LCOR: variants seen among roughly 807,000 people sequenced by gnomAD.
LCOR encodes ligand dependent nuclear receptor corepressor, also known as ligand-dependent corepressor.
Under a neutral mutation model 64.4 loss-of-function variants are expected in LCOR, and 14 were observed. The ratio of observed to expected loss-of-function variants is 0.22; its 90% confidence interval spans 0.14 to 0.34. The LOEUF is 0.34. Ranked by LOEUF, LCOR falls within the 10% of genes least tolerant of loss-of-function variation. LCOR has a pLI of 1.00. For synonymous variants in LCOR, 643 were observed against 642.5 expected (o/e 1.00, Z -0.01); for missense variants, 1,686 against 1,765.3 (o/e 0.96, Z 0.80).
In LCOR at chr10:96,924,453, G is replaced by A. The variant is rs191969385; in HGVS notation, c.-184+16706G>A. Among the ~76,000 whole-genome samples the A allele has an allele frequency of 3.4e-4, 51 of 151,566 alleles. No homozygotes were observed. The East Asian group carries it at 9.3e-3, about 28-fold the overall frequency. ...GATGGGGTTTTGCCATGTTGCCCAG[G>A]CTGGTCTCAAAGTCCTGAGTTCAAG... On this transcript the variant is annotated intron_variant, in intron 4 of 7. Transcript: ENST00000421806.
At chr10:96,952,059 T>G in intron 6 of LCOR, 44 bp from the exon 7 acceptor site, 2 of 1,414,988 alleles carry the variant, frequency 1.4e-6, no homozygotes, top group Non-Finnish European at 2.0e-6. Context: ...TTACATTTGC[T>G]CCTAGCTTTT....
intron 2 of LCOR, among the ~76,000 whole-genome samples, chr10:96,855,930 T>C (rs1845795999): frequency 7.0e-6 from 1 of 143,298 alleles, no homozygotes; most frequent in Admixed American, 7.0e-5. Context: ...TTTTAGTAGT[T>C]ACAGAGTTTC....
chr10:96,834,765 T>C (rs2134355549), intron 2 of LCOR, among the ~76,000 whole-genome samples: 1 of 152,360 alleles, frequency 6.6e-6, no homozygotes, highest in East Asian at 1.9e-4. Flanking sequence ...TAGATGGTTT[T>C]AATTAGTGTA....
intron 2 of LCOR, among the ~76,000 whole-genome samples, chr10:96,875,987 TCTAGCTGGGTCA>T (rs1846157689): frequency 6.6e-6 from 1 of 151,368 alleles, no homozygotes; most frequent in Non-Finnish European, 1.5e-5. Flanking sequence ...GCTAATTATA[TCTAGCTGGGTCA>T]GAGACTTAAA....
At position 96,994,800 on chromosome 10, in the gene LCOR, G is replaced by C. The variant is rs1244068618; in HGVS notation, c.*9666G>C. 1 of 152,208 alleles carries C rather than the reference G, an allele frequency of 6.6e-6. No homozygotes were observed. The highest frequency in any genetic ancestry group is 2.4e-5 in the African/African-American group (1 of 41,452). The allele number at this position is 152,208 out of a possible 1,614,324, so 9.4% of individuals were successfully genotyped here. A position where few individuals can be genotyped will look rare whatever the true frequency, so the allele number is the denominator to read the frequency against. ...ATATTAGCCTCACTTAATCTCAATA[G>C]AAGCCTGCTGTTTACCCTCAGGGAA... On this transcript the variant is annotated 3_prime_UTR_variant, in exon 8 of 8. Coordinates refer to ENST00000421806, the MANE Select transcript of LCOR (RefSeq NM_001346516.2).
At position 96,958,210 on chromosome 10, in the gene LCOR, C is replaced by T; in HGVS notation, c.332+6014C>T. On this transcript the variant is annotated intron_variant, in intron 7 of 7. Coordinates refer to ENST00000421806, the MANE Select transcript of LCOR (RefSeq NM_001346516.2). ...ATTAATTTGTGCTTGCTTTTATCCC[C>T]TCTCAGAAAGACATCACTAAAGGCC... is the stretch of plus-strand genomic sequence containing the variant. The T allele has an allele frequency of 3.9e-6, 5 of 1,292,716 alleles. No individual in the cohort carries two copies. In the South Asian group the frequency reaches 1.1e-4, roughly 29 times the overall value. 80.1% of individuals were successfully genotyped at this position (1,292,716 alleles called of 1,614,324 possible).
At chr10:96,969,781 T>G (rs1237767592) in intron 7 of LCOR, among the ~76,000 whole-genome samples, 1 of 142,824 alleles carries the variant, frequency 7.0e-6, no homozygotes, top group Non-Finnish European at 1.5e-5. Context: ...TTTCTTTTTT[T>G]TTTTTTTTCT....
intron 4 of LCOR, among the ~76,000 whole-genome samples, chr10:96,941,256 T>A: frequency 7.8e-6 from 1 of 127,638 alleles, no homozygotes; most frequent in African/African-American, 3.0e-5. Context: ...CCCACCTCCC[T>A]CCCGGACGGG....
chr10:96,896,165 A>G (rs113141997), intron 2 of LCOR, among the ~76,000 whole-genome samples: 13 of 152,080 alleles, frequency 8.5e-5, no homozygotes, highest in African/African-American at 3.1e-4. Flanking sequence ...TGCTTTGTAC[A>G]GTAGCACTTA....
chr10:96,952,039 C>G, intron 6 of LCOR, 64 bp from the exon 7 acceptor site: 1 of 1,137,456 alleles, frequency 8.8e-7, no homozygotes, highest in South Asian at 1.3e-5. Context: ...TCATTTTTAG[C>G]CTATTTAGTT....
chr10:96,893,247 CAG>C (rs1846476410), intron 2 of LCOR, among the ~76,000 whole-genome samples: 3 of 152,242 alleles, frequency 2.0e-5, no homozygotes, highest in South Asian at 4.2e-4. Flanking sequence ...TCCATCAACA[CAG>C]AGTTATAATT....
At chr10:96,877,836 C>G (rs542947790) in intron 2 of LCOR, among the ~76,000 whole-genome samples, 1 of 152,196 alleles carries the variant, frequency 6.6e-6, no homozygotes. Context: ...TGGTCTCGAT[C>G]TCCTGACCTC....
chr10:96,931,311 G>T (rs1847256519), intron 4 of LCOR, among the ~76,000 whole-genome samples: 1 of 150,268 alleles, frequency 6.7e-6, no homozygotes, highest in Non-Finnish European at 1.5e-5. Context: ...TTGGTTCACT[G>T]CAACTTCCGC....
At chr10:96,840,598 CCT>C (rs1377746975) in intron 2 of LCOR, among the ~76,000 whole-genome samples, 5 of 152,082 alleles carry the variant, frequency 3.3e-5, no homozygotes, top group African/African-American at 9.7e-5. Context: ...TTTAAAATTT[CCT>C]CTCTATATAT....
rs1564647797 is a variant in LCOR at position 96,989,697 on chromosome 10, T to TATATATATATA, written c.*4563_*4564insATATATATATA. 3.1e-3 allele frequency: 147 copies of TATATATATATA among 46,978 alleles called. No individual in the cohort carries two copies. Among genetic ancestry groups the TATATATATATA allele is most frequent in the African/African-American group, 6.3e-3 (54 of 8,536 alleles). The allele number at this position is 46,978 out of a possible 1,614,324, so 2.9% of individuals were successfully genotyped here. On this transcript the variant is annotated 3_prime_UTR_variant, in exon 8 of 8. Coordinates refer to ENST00000421806, the MANE Select transcript of LCOR (RefSeq NM_001346516.2). ...AGGATATATATATATATATATATAT[T>TATATATATATA]TTTTTTTTTTTTTTTTTTTTTTAAT... is the stretch of plus-strand genomic sequence containing the variant.
chr10:96,893,596 C>T (rs1249880518), intron 2 of LCOR, among the ~76,000 whole-genome samples: 1 of 151,988 alleles, frequency 6.6e-6, no homozygotes, highest in Non-Finnish European at 1.5e-5. Flanking sequence ...AACCCGGTCT[C>T]TACTAAAAAT....
intron 4 of LCOR, among the ~76,000 whole-genome samples, chr10:96,925,908 T>C (rs754630129): frequency 6.1e-4 from 93 of 152,236 alleles, no homozygotes; most frequent in Non-Finnish European, 1.1e-3. Context: ...CCTGTCCCTT[T>C]CCTGTATCAG....
At chr10:96,956,472 G>C (rs767320596) in intron 7 of LCOR, 8 of 983,898 alleles carry the variant, frequency 8.1e-6, no homozygotes, top group Non-Finnish European at 9.7e-6. Flanking sequence ...TGAGAAATTT[G>C]GTTATTCACT....
chr10:96,843,531 A>G (rs528646379), intron 2 of LCOR, among the ~76,000 whole-genome samples: 1 of 152,264 alleles, frequency 6.6e-6, no homozygotes, highest in Non-Finnish European at 1.5e-5. Flanking sequence ...TTCAGTATTT[A>G]TCAAAGCTAG....
Sources: gnomAD v4.1 joint callset for allele counts (sites outside exome capture counted in the v4.1 genomes callset) on GRCh38, gnomAD v4.1.1 for gene constraint, MANE v1.5 for transcripts, NCBI Gene and HGNC (gene_info 2026-07-23, HGNC 2026-07-21) for gene names.